The following PLCE1 variants were observed in gnomAD, a reference collection of about 807,000 sequenced individuals.
PLCE1 encodes the protein phospholipase C epsilon 1.
PLCE1 carries 119 observed loss-of-function variants against 242.8 expected under a neutral mutation model. The ratio of observed to expected loss-of-function variants is 0.49; its 90% confidence interval spans 0.42 to 0.57. PLCE1 has a LOEUF of 0.57. PLCE1 is among the 20% of genes least tolerant of loss of function. The probability of loss-of-function intolerance (pLI) is 0.00; values close to 1 mark genes in which losing one functional copy is unlikely to be tolerated. For synonymous variants in PLCE1, 945 were observed against 1,017.4 expected, an observed-to-expected ratio of 0.93 and a Z score of 1.35; for missense variants, 2,441 against 2,788.8, an observed-to-expected ratio of 0.88 and a Z score of 2.81.
chr10:94,076,063 A>T (rs1749671929), intron 2 of PLCE1, among the ~76,000 whole-genome samples: 1 of 152,050 alleles, frequency 6.6e-6, no homozygotes, highest in African/African-American at 2.4e-5. Flanking sequence ...GTCAATGGAA[A>T]AGTCTGAGAC....
chr10:94,013,556 C>T (rs188703069), intron 1 of PLCE1, among the ~76,000 whole-genome samples: 3 of 152,324 alleles, frequency 2.0e-5, no homozygotes, highest in Non-Finnish European at 4.4e-5. Flanking sequence ...ATTTATTCTA[C>T]AAATACTTAT....
At chr10:94,272,514 A>G (rs1214276181) in intron 18 of PLCE1, among the ~76,000 whole-genome samples, 7 of 152,194 alleles carry the variant, frequency 4.6e-5, no homozygotes, top group Non-Finnish European at 1.0e-4. Flanking sequence ...ATCAATTTGT[A>G]CAATAGTGGT....
At chr10:94,163,999 TAG>T (rs1255578623) in intron 3 of PLCE1, among the ~76,000 whole-genome samples, 2 of 152,244 alleles carry the variant, frequency 1.3e-5, no homozygotes, top group Non-Finnish European at 1.5e-5. Flanking sequence ...TTCTGGCTTG[TAG>T]AGTTTCTGCC....
chr10:94,136,084 C>G (rs116130171), intron 3 of PLCE1, among the ~76,000 whole-genome samples: 1 of 152,102 alleles, frequency 6.6e-6, no homozygotes. Flanking sequence ...TAAGAGAAAA[C>G]ATGTTTGAAG....
chr10:94,289,989 A>C (rs1169148798), intron 22 of PLCE1, among the ~76,000 whole-genome samples: 2 of 151,996 alleles, frequency 1.3e-5, no homozygotes, highest in Non-Finnish European at 2.9e-5. Flanking sequence ...ACACAAACAC[A>C]TTGTACAACT....
chr10:94,317,698 C>T (rs1199260659), intron 29 of PLCE1, among the ~76,000 whole-genome samples: 1 of 152,184 alleles, frequency 6.6e-6, no homozygotes, highest in Non-Finnish European at 1.5e-5. Context: ...TGACTCCAAA[C>T]TGATTGGCTC....
chr10:94,115,610 GGTT>G (rs530510327), intron 2 of PLCE1, among the ~76,000 whole-genome samples: 40 of 152,102 alleles, frequency 2.6e-4, no homozygotes, highest in African/African-American at 9.4e-4. Flanking sequence ...TTGTTGATGA[GGTT>G]GTTTTTTTCT....
intron 4 of PLCE1, among the ~76,000 whole-genome samples, chr10:94,197,660 T>A (rs1242102368): frequency 1.3e-5 from 2 of 152,228 alleles, no homozygotes; most frequent in African/African-American, 2.4e-5. Flanking sequence ...TGGCAATATT[T>A]CTGACAATGA....
At chr10:94,222,569 G>C (rs1028155498) in intron 4 of PLCE1, among the ~76,000 whole-genome samples, 2 of 152,220 alleles carry the variant, frequency 1.3e-5, no homozygotes, top group African/African-American at 4.8e-5. Flanking sequence ...GGGAAGTCAA[G>C]GAAGTTCTGC....
chr10:94,264,359 C>T (rs1409272220), intron 14 of PLCE1, among the ~76,000 whole-genome samples: 5 of 152,038 alleles, frequency 3.3e-5, no homozygotes, highest in South Asian at 2.1e-4. Flanking sequence ...CTGTGAGCTG[C>T]ACAAGCCAGG....
In PLCE1 at chr10:94,324,928, GC is replaced by G; in HGVS notation, c.6758del (p.Ala2253GlufsTer24). The G allele has an allele frequency of 6.2e-7, 1 of 1,614,108 alleles. No homozygotes were observed. On this transcript the variant is annotated frameshift_variant, in exon 32 of 33. Coordinates refer to ENST00000371380, the MANE Select transcript of PLCE1 (RefSeq NM_016341.4). LOFTEE classifies it high-confidence loss of function. ...REDKKKGISF[A>X]SELKKLTKST... ...AGATAAAAAGAAAGGCATTTCTTTC[GC>G]AAGTGAACTCAAGAAGCTCACCAAG...
intron 4 of PLCE1, among the ~76,000 whole-genome samples, chr10:94,180,401 A>T (rs1015211854): frequency 2.6e-5 from 4 of 152,156 alleles, no homozygotes; most frequent in South Asian, 2.1e-4. Flanking sequence ...ATATTAGAGC[A>T]TGGGGGATAA....
intron 2 of PLCE1, among the ~76,000 whole-genome samples, chr10:94,097,852 C>A (rs2045372563): frequency 6.6e-6 from 1 of 152,160 alleles, no homozygotes; most frequent in Non-Finnish European, 1.5e-5. Context: ...AATGTGTCAT[C>A]TGAGTCATGC....
At chr10:94,238,635 A>G (rs2050401681) in intron 7 of PLCE1, among the ~76,000 whole-genome samples, 1 of 152,218 alleles carries the variant, frequency 6.6e-6, no homozygotes, top group Non-Finnish European at 1.5e-5. Context: ...ATTTACCAGC[A>G]TAAAGAATAA....
At chr10:94,199,785 A>G (rs576466309) in intron 4 of PLCE1, among the ~76,000 whole-genome samples, 1 of 148,112 alleles carries the variant, frequency 6.8e-6, no homozygotes, top group East Asian at 2.1e-4. Context: ...GCAGGAATGG[A>G]GTCAGCATGA....
At chr10:94,082,974 G>A (rs2044696987) in intron 2 of PLCE1, among the ~76,000 whole-genome samples, 1 of 152,202 alleles carries the variant, frequency 6.6e-6, no homozygotes, top group Admixed American at 6.5e-5. Flanking sequence ...CTGATGATCT[G>A]ACTTGATCAA....
chr10:94,023,716 A>G (rs2061412835), intron 1 of PLCE1, among the ~76,000 whole-genome samples: 1 of 152,148 alleles, frequency 6.6e-6, no homozygotes, highest in Non-Finnish European at 1.5e-5. Flanking sequence ...AGCCTTATCA[A>G]TGTGTTAGTT....
chr10:94,048,667 C>T (rs2043667567), intron 2 of PLCE1, among the ~76,000 whole-genome samples: 1 of 138,830 alleles, frequency 7.2e-6, no homozygotes, highest in Admixed American at 7.5e-5. Context: ...TGCATATATA[C>T]ATATATATTT....
chr10:94,288,269 C>T (rs1031570935), intron 22 of PLCE1, among the ~76,000 whole-genome samples: 3 of 152,136 alleles, frequency 2.0e-5, no homozygotes, highest in Non-Finnish European at 4.4e-5. Flanking sequence ...CATTACGCTG[C>T]TCTGTATGCC....
Sources: gnomAD v4.1 joint callset for allele counts (sites outside exome capture counted in the v4.1 genomes callset) on GRCh38, gnomAD v4.1.1 for gene constraint, MANE v1.5 for transcripts, NCBI Gene and HGNC (gene_info 2026-07-23, HGNC 2026-07-21) for gene names.